The following MRPL52 variants were observed in gnomAD, a reference collection of about 807,000 sequenced individuals.
MRPL52 encodes the protein large ribosomal subunit protein mL52.
In MRPL52, 19 loss-of-function variants were observed where a neutral mutation model predicts 22.1. The ratio of observed to expected loss-of-function variants is 0.86; its 90% confidence interval spans 0.60 to 1.26. The LOEUF is 1.26. MRPL52 is among the 50% of genes most tolerant of loss of function. The pLI is 0.00. For synonymous variants in MRPL52, 50 were observed against 57.5 expected (o/e 0.87, Z 0.59); for missense variants, 152 against 148.1 (o/e 1.03, Z -0.14).
At position 22,829,951 on chromosome 14, in the gene MRPL52, A is replaced by G. The variant is rs748339307; in HGVS notation, c.28+11A>G. On this transcript the variant is annotated intron_variant, in intron 1 of 4. Transcript: ENST00000397496. Reference sequence around the variant, plus strand: ...GGACTGTTCTCTTCAGTGAGTGGGTATAGATAGGGACCGTGGACTCGGGGG... The same window carrying G: ...GGACTGTTCTCTTCAGTGAGTGGGTGTAGATAGGGACCGTGGACTCGGGGG... The G allele has an allele frequency of 6.5e-7, 1 of 1,545,128 alleles. No homozygotes were observed. The highest frequency in any genetic ancestry group is 8.8e-7 in the Non-Finnish European group (1 of 1,137,920).
Position 22,829,943 on chromosome 14 carries a change from G to C in MRPL52, c.28+3G>C, listed in dbSNP as rs1485363614. ...TGCTTTAGGGACTGTTCTCTTCAGT[G>C]AGTGGGTATAGATAGGGACCGTGGA... On this transcript the variant is annotated splice_donor_region_variant and intron_variant, in intron 1 of 4. Coordinates refer to ENST00000397496, the MANE Select transcript of MRPL52 (RefSeq NM_180982.3). 2 of 1,609,392 alleles carry C rather than the reference G, an allele frequency of 1.2e-6. No homozygotes were observed. The highest frequency in any genetic ancestry group is 1.7e-6 in the Non-Finnish European group (2 of 1,177,714).
chr14:22,831,375 A>G lies in MRPL52; in HGVS notation c.154+1121A>G, dbSNP rs1352839077. On this transcript the variant is annotated intron_variant, in intron 3 of 4. Coordinates refer to ENST00000397496, the MANE Select transcript of MRPL52 (RefSeq NM_180982.3). ...TCAAGTGATCCACTTCAGCCTCCCA[A>G]AGTGCTGGGATTACAGGCATGAGCC... 5 of 189,516 alleles carry G rather than the reference A, an allele frequency of 2.6e-5. No homozygotes were observed. The South Asian group carries it at 5.5e-4, about 21-fold the overall frequency. 11.7% of individuals were successfully genotyped at this position (189,516 alleles called of 1,614,324 possible).
Position 22,834,172 on chromosome 14 carries a change from A to G in MRPL52, c.220A>G (p.Arg74Gly). ...RRKAERETFA[R>G]RVVLLSQEMD... is the part of the protein sequence containing the mutation. ...CACACTGTTTTCCTGTCTGTTTCAG[A>G]GACGAGTTGTACTGCTGTCACAGGA... Residue 74 changes from arginine (R) to glycine (G), a missense_variant and splice_region_variant, in exon 5 of 5, where the codon AGA becomes GGA. By Grantham distance (125) the Arg-to-Gly change is moderately radical. Transcript: ENST00000397496. The G allele has an allele frequency of 8.7e-6, 14 of 1,613,920 alleles. No homozygotes were observed. The highest frequency in any genetic ancestry group is 1.2e-5 in the Non-Finnish European group (14 of 1,179,940).
chr14:22,833,356 A>G (rs17122962), intron 3 of MRPL52, 62 bp from the exon 4 acceptor site: 132,167 of 1,043,756 alleles, frequency 0.13, 10,214 homozygotes, highest in African/African-American at 0.33. Context: ...CTATCACAGT[A>G]TTTGCACAAG....
At chr14:22,830,490 G>A in intron 3 of MRPL52, 1 of 547,390 alleles carries the variant, frequency 1.8e-6, no homozygotes, top group Non-Finnish European at 3.2e-6. Context: ...AGATAATTCT[G>A]ACTTGGGGCC....
At position 22,829,899 on chromosome 14, in the gene MRPL52, T is replaced by C; in HGVS notation, c.-14T>C. The C allele has an allele frequency of 1.2e-5, 19 of 1,530,508 alleles. No homozygotes were observed. The highest frequency in any genetic ancestry group is 1.6e-5 in the Non-Finnish European group (18 of 1,132,018). 94.8% of individuals were successfully genotyped at this position (1,530,508 alleles called of 1,614,324 possible). A position where few individuals can be genotyped will look rare whatever the true frequency, so the allele number is the denominator to read the frequency against. Reference sequence around the variant, plus strand: ...CACGCCTACTTCCGGCTACCCCGGCTACTCCTGCTCAGCATGGCTGCTTTA... The same window carrying C: ...CACGCCTACTTCCGGCTACCCCGGCCACTCCTGCTCAGCATGGCTGCTTTA... On this transcript the variant is annotated 5_prime_UTR_variant, in exon 1 of 5. Transcript: ENST00000397496.
rs1246573417 is a variant in MRPL52, at chr14:22,834,627, G to C, written c.*306G>C. On this transcript the variant is annotated 3_prime_UTR_variant, in exon 5 of 5. Coordinates refer to ENST00000397496, the MANE Select transcript of MRPL52 (RefSeq NM_180982.3). Reference sequence around the variant, plus strand: ...AGGCGGGCAGATCACAAGATCAGGAGTTCGAGACCAGCCTGGCCAACCCAG... The same window carrying C: ...AGGCGGGCAGATCACAAGATCAGGACTTCGAGACCAGCCTGGCCAACCCAG... 4.5e-6 allele frequency: 1 copy of C among 224,230 alleles called. No individual in the cohort carries two copies. The highest frequency in any genetic ancestry group is 8.9e-6 in the Non-Finnish European group (1 of 112,098). The allele number at this position is 224,230 out of a possible 1,614,324, so 13.9% of individuals were successfully genotyped here. A position where few individuals can be genotyped will look rare whatever the true frequency, so the allele number is the denominator to read the frequency against.
chr14:22,834,023 C>T (rs2039683277), intron 4 of MRPL52, 149 bp from the exon 5 acceptor site: 1 of 810,212 alleles, frequency 1.2e-6, no homozygotes, highest in East Asian at 2.7e-5. Flanking sequence ...TTTGCTGTCT[C>T]CCTCTGCTTC....
chr14:22,833,348 A>G lies in MRPL52; in HGVS notation c.155-70A>G. The G allele has an allele frequency of 3.1e-6, 3 of 964,194 alleles. 1 individual carries two copies. Among genetic ancestry groups the G allele is most frequent in the South Asian group, 2.6e-5 (2 of 77,242 alleles). The allele number at this position is 964,194 out of a possible 1,614,324, so 59.7% of individuals were successfully genotyped here. A position where few individuals can be genotyped will look rare whatever the true frequency, so the allele number is the denominator to read the frequency against. On this transcript the variant is annotated intron_variant, in intron 3 of 4. Transcript: ENST00000397496. ...AGAGATTGGTTCTTCCCTTATTCCT[A>G]TCACAGTATTTGCACAAGGTGATGC...
Position 22,834,254 on chromosome 14 carries a change from A to C in MRPL52, c.302A>C (p.Gln101Pro), listed in dbSNP as rs1044067812. Residue 101 changes from glutamine (Q) to proline (P), a missense_variant, in exon 5 of 5, where the codon CAA (glutamine) becomes CCA (proline). By Grantham distance (76) the Gln-to-Pro change is moderately conservative. Coordinates refer to ENST00000397496, the MANE Select transcript of MRPL52 (RefSeq NM_180982.3). ...AGGCAGCAGAAGTTGCAGGAAGAAC[A>C]AAGGAAGCAGGAAAATGCTCTTAAA... ...QLRQQKLQEE[Q>P]RKQENALKPK... 2.5e-6 allele frequency: 4 copies of C among 1,614,118 alleles called. No homozygotes were observed. The highest frequency in any genetic ancestry group is 1.3e-5 in the African/African-American group (1 of 74,946).
chr14:22,830,825 T>G, intron 3 of MRPL52: 1 of 590,984 alleles, frequency 1.7e-6, no homozygotes, highest in South Asian at 2.2e-5. Flanking sequence ...AGTGTACAAG[T>G]AGGAAATTTG....
chr14:22,830,177 C>A lies in MRPL52; in HGVS notation c.87-10C>A. Reference sequence around the variant, plus strand: ...GCTAGGTCCTCACAGATCTGTTTTTCTCCACACAGGCAGGGACTGGCTGCC... The same window carrying A: ...GCTAGGTCCTCACAGATCTGTTTTTATCCACACAGGCAGGGACTGGCTGCC... On this transcript the variant is annotated splice_polypyrimidine_tract_variant and intron_variant, in intron 2 of 4. Transcript: ENST00000397496. 6.2e-7 allele frequency: 1 copy of A among 1,614,242 alleles called. No homozygotes were observed. The highest frequency in any genetic ancestry group is 1.3e-5 in the African/African-American group (1 of 75,062).
Position 22,830,197 on chromosome 14 carries a change from GCTGC to G in MRPL52, c.99_102del (p.Ala34ThrfsTer25). ...TTTTTCTCCACACAGGCAGGGACTG[GCTGC>G]CAACCCCTCCGGCTACGGGCCCCTT... On this transcript the variant is annotated frameshift_variant, in exon 3 of 5. Coordinates refer to ENST00000397496, the MANE Select transcript of MRPL52 (RefSeq NM_180982.3). LOFTEE classifies it high-confidence loss of function. The G allele has an allele frequency of 2.5e-6, 4 of 1,614,248 alleles. No homozygotes were observed. The highest frequency in any genetic ancestry group is 2.5e-6 in the Non-Finnish European group (3 of 1,180,038).
intron 3 of MRPL52, among the ~76,000 whole-genome samples, chr14:22,832,669 C>A (rs2039648311): frequency 6.6e-6 from 1 of 152,008 alleles, no homozygotes; most frequent in Admixed American, 6.6e-5. Flanking sequence ...ACAGTAGATT[C>A]AGCATTGCAG....
At position 22,834,984 on chromosome 14, in the gene MRPL52, G is replaced by A. The variant is rs1379208181; in HGVS notation, c.*663G>A. 1.3e-5 allele frequency: 2 copies of A among 152,234 alleles called. No homozygotes were observed. Among genetic ancestry groups the A allele is most frequent in the Non-Finnish European group, 2.9e-5 (2 of 68,072 alleles). The allele number at this position is 152,234 out of a possible 1,614,324, so 9.4% of individuals were successfully genotyped here. ...GGCAGTCAAGCCTTTAACAGCTCAT[G>A]CACAGTTTAGGCCATGTACAGCTGG... On this transcript the variant is annotated 3_prime_UTR_variant, in exon 5 of 5. Transcript: ENST00000397496.
intron 3 of MRPL52, chr14:22,830,979 T>G (rs1469935165): frequency 1.8e-5 from 27 of 1,533,442 alleles, no homozygotes; most frequent in Non-Finnish European, 2.0e-5. Context: ...TGATCCTGCT[T>G]AATTGGATAA....
At chr14:22,833,190 A>C (rs1289785351) in intron 3 of MRPL52, 1 of 436,796 alleles carries the variant, frequency 2.3e-6, no homozygotes, top group Non-Finnish European at 4.1e-6. Context: ...ATAATAAATA[A>C]ATGAAATAAA....
chr14:22,831,656 ACT>A (rs1371406779), intron 3 of MRPL52: 2 of 152,032 alleles, frequency 1.3e-5, no homozygotes, highest in Non-Finnish European at 2.9e-5. Flanking sequence ...CAGAGTTTTC[ACT>A]CTGTTTCTTT....
At position 22,830,547 on chromosome 14, in the gene MRPL52, G is replaced by A. The variant is rs1285185586; in HGVS notation, c.154+293G>A. On this transcript the variant is annotated intron_variant, in intron 3 of 4. Coordinates refer to ENST00000397496, the MANE Select transcript of MRPL52 (RefSeq NM_180982.3). ...AAGACTTCTGCGTTTTTCAAAGGGG[G>A]ACATTTTTTTTTAACCAAGAACCAC... 8.6e-6 allele frequency: 4 copies of A among 465,974 alleles called. No homozygotes were observed. The Admixed American group carries it at 1.6e-4, about 18-fold the overall frequency. The allele number at this position is 465,974 out of a possible 1,614,324, so 28.9% of individuals were successfully genotyped here. A position where few individuals can be genotyped will look rare whatever the true frequency, so the allele number is the denominator to read the frequency against.
Sources: gnomAD v4.1 joint callset for allele counts (sites outside exome capture counted in the v4.1 genomes callset) on GRCh38, gnomAD v4.1.1 for gene constraint, MANE v1.5 for transcripts, NCBI Gene and HGNC (gene_info 2026-07-23, HGNC 2026-07-21) for gene names.